ST7: variants seen among roughly 807,000 people sequenced by gnomAD.
The protein encoded by ST7 is suppression of tumorigenicity 7, also known as suppressor of tumorigenicity 7 protein.
In ST7, 28 loss-of-function variants were observed where a neutral mutation model predicts 78.7. That is an observed-to-expected ratio of 0.36 (90% CI 0.26 to 0.49). ST7 has a LOEUF of 0.49. ST7 is among the 20% of genes least tolerant of loss of function. The probability of loss-of-function intolerance (pLI) is 0.99; values close to 1 mark genes in which losing one functional copy is unlikely to be tolerated. For missense variants in ST7, 418 were observed against 696.0 expected (o/e 0.60, Z 4.49); for synonymous variants, 247 against 249.6 (o/e 0.99, Z 0.10).
At chr7:117,205,459 T>G (rs931560162) in intron 12 of ST7, among the ~76,000 whole-genome samples, 2 of 152,158 alleles carry the variant, frequency 1.3e-5, no homozygotes, top group African/African-American at 4.8e-5. Flanking sequence ...ATATTGAAAA[T>G]CCCGAAAAAA....
chr7:117,172,372 A>T (rs886825085), intron 10 of ST7, among the ~76,000 whole-genome samples: 3 of 152,082 alleles, frequency 2.0e-5, no homozygotes, highest in Admixed American at 2.0e-4. Flanking sequence ...TTTTCTTCAA[A>T]TTTTTTCTCA....
intron 12 of ST7, among the ~76,000 whole-genome samples, chr7:117,197,920 A>C (rs751023689): frequency 6.6e-6 from 1 of 152,154 alleles, no homozygotes; most frequent in African/African-American, 2.4e-5. Flanking sequence ...TAATCTCCAC[A>C]AACAAACAAA....
At chr7:117,225,186 G>A (rs1584644511) in intron 15 of ST7, among the ~76,000 whole-genome samples, 1 of 152,154 alleles carries the variant, frequency 6.6e-6, no homozygotes. Flanking sequence ...CCAGAGTATC[G>A]GAGAGGGGTG....
chr7:116,968,584 C>A, intron 1 of ST7: 1 of 297,936 alleles, frequency 3.4e-6, no homozygotes, highest in Non-Finnish European at 7.0e-6. Context: ...ATTAGCGAGT[C>A]GCAGTGCTTG....
At chr7:116,969,196 A>G (rs1382585861) in intron 1 of ST7, among the ~76,000 whole-genome samples, 3 of 151,768 alleles carry the variant, frequency 2.0e-5, no homozygotes, top group Non-Finnish European at 4.4e-5. Flanking sequence ...TCTCCCTACA[A>G]TCCTCTTGCA....
intron 12 of ST7, among the ~76,000 whole-genome samples, chr7:117,203,765 G>A (rs990410514): frequency 4.6e-5 from 7 of 151,942 alleles, no homozygotes; most frequent in Non-Finnish European, 5.9e-5. Flanking sequence ...CAAAGACTAT[G>A]GATCATCAAG....
intron 1 of ST7, among the ~76,000 whole-genome samples, chr7:117,042,033 A>C (rs1797258403): frequency 2.0e-5 from 3 of 152,346 alleles, no homozygotes; most frequent in African/African-American, 4.8e-5. Context: ...CAAGCCAAGG[A>C]ATGTGGATGA....
At chr7:116,993,551 C>G (rs887850299) in intron 1 of ST7, among the ~76,000 whole-genome samples, 3 of 152,194 alleles carry the variant, frequency 2.0e-5, no homozygotes, top group African/African-American at 7.2e-5. Flanking sequence ...GGTGGGGACA[C>G]AGAGCCAAAC....
rs1800275011 is a variant in ST7, at chr7:117,087,794, A to AGCCACATCCTGTTGAATTTAACTCT, written c.152-11965_152-11941dup. Among the ~76,000 whole-genome samples the AGCCACATCCTGTTGAATTTAACTCT allele has an allele frequency of 2.0e-5, 3 of 152,306 alleles. No individual in the cohort carries two copies. In the South Asian group the frequency reaches 6.2e-4, roughly 32 times the overall value. ...CTCGCCCTTTATGTCACATTGGGAA[A>AGCCACATCCTGTTGAATTTAACTCT]GCCACATCCTGTTGAATTTAACTCT... is the stretch of plus-strand genomic sequence containing the variant. On this transcript the variant is annotated intron_variant, in intron 1 of 15. Coordinates refer to ENST00000323984, the MANE Select transcript of ST7 (RefSeq NM_001369598.1).
chr7:117,004,395 T>A (rs1301106675), intron 1 of ST7, among the ~76,000 whole-genome samples: 3 of 152,134 alleles, frequency 2.0e-5, no homozygotes, highest in Non-Finnish European at 4.4e-5. Flanking sequence ...TCTCAACAAT[T>A]CGGAAATATG....
chr7:117,050,445 T>G (rs1189561918), intron 1 of ST7, among the ~76,000 whole-genome samples: 2 of 152,224 alleles, frequency 1.3e-5, no homozygotes, highest in African/African-American at 4.8e-5. Flanking sequence ...AGTTCTGATT[T>G]CATCCTGCAT....
intron 1 of ST7, among the ~76,000 whole-genome samples, chr7:117,002,556 C>A (rs1365316515): frequency 6.6e-6 from 1 of 151,774 alleles, no homozygotes; most frequent in Non-Finnish European, 1.5e-5. Context: ...CAGTTAATAG[C>A]ATGATATATT....
At chr7:117,131,446 A>G (rs1393760055) in intron 5 of ST7, among the ~76,000 whole-genome samples, 2 of 151,896 alleles carry the variant, frequency 1.3e-5, no homozygotes, top group African/African-American at 2.4e-5. Context: ...TGACCCACGC[A>G]TAATTCTTGA....
In ST7 at chr7:117,221,899, T is replaced by A. The variant is rs535484974; in HGVS notation, c.1499-24T>A. ...AGTGCAGTTTACTCCAGCCCTGATA[T>A]TTCCCTTTTGGTCTTCTCCACAGCT... On this transcript the variant is annotated intron_variant, in intron 14 of 15. Transcript: ENST00000323984. 3 of 1,596,194 alleles carry A rather than the reference T, an allele frequency of 1.9e-6. No homozygotes were observed. The African/African-American group carries it at 4.1e-5, about 22-fold the overall frequency.
chr7:117,159,531 C>G (rs1806965830), intron 9 of ST7, among the ~76,000 whole-genome samples: 1 of 152,074 alleles, frequency 6.6e-6, no homozygotes, highest in Non-Finnish European at 1.5e-5. Flanking sequence ...AGATAGTGAG[C>G]ATGTTTAAAG....
intron 2 of ST7, among the ~76,000 whole-genome samples, chr7:117,108,992 C>G (rs963208060): frequency 6.6e-6 from 1 of 152,132 alleles, no homozygotes; most frequent in Non-Finnish European, 1.5e-5. Context: ...CTCCTGGGAG[C>G]TTTTTGGATG....
chr7:117,213,182 C>G (rs896001900), intron 13 of ST7, among the ~76,000 whole-genome samples: 1 of 152,216 alleles, frequency 6.6e-6, no homozygotes, highest in Non-Finnish European at 1.5e-5. Context: ...GCACTTCCAC[C>G]ATTGTACCAC....
chr7:117,095,747 G>T (rs966489438), intron 1 of ST7, among the ~76,000 whole-genome samples: 10 of 152,140 alleles, frequency 6.6e-5, no homozygotes, highest in African/African-American at 2.2e-4. Context: ...AACAAGTATG[G>T]AGGTGACCTT....
At chr7:117,024,972 T>C (rs1406019764) in intron 1 of ST7, among the ~76,000 whole-genome samples, 1 of 152,212 alleles carries the variant, frequency 6.6e-6, no homozygotes, top group Non-Finnish European at 1.5e-5. Flanking sequence ...TCAGTTTTAA[T>C]AGGGAGTATG....
Sources: gnomAD v4.1 joint callset for allele counts (sites outside exome capture counted in the v4.1 genomes callset) on GRCh38, gnomAD v4.1.1 for gene constraint, MANE v1.5 for transcripts, NCBI Gene and HGNC (gene_info 2026-07-23, HGNC 2026-07-21) for gene names.